RGS7: variants seen among roughly 807,000 people sequenced by gnomAD.
RGS7 encodes regulator of G protein signaling 7, also known as regulator of G-protein signaling 7.
A neutral mutation model predicts 81.1 loss-of-function variants in RGS7; 27 were observed. That is an observed-to-expected ratio of 0.33 (90% CI 0.25 to 0.46). RGS7 has a LOEUF of 0.46. RGS7 is among the 20% of genes least tolerant of loss of function. RGS7 has a pLI of 1.00. For missense variants in RGS7, 396 were observed against 607.4 expected (o/e 0.65, Z 3.66); for synonymous variants, 208 against 207.7 (o/e 1.00, Z -0.01).
intron 2 of RGS7, among the ~76,000 whole-genome samples, chr1:241,332,622 C>A (rs113976709): frequency 3.3e-5 from 5 of 152,218 alleles, no homozygotes; most frequent in Middle Eastern, 3.4e-3. Context: ...TCTAACACAA[C>A]GAAACATTTC....
chr1:240,838,738 T>C (rs1160938199), intron 9 of RGS7, among the ~76,000 whole-genome samples: 1 of 152,084 alleles, frequency 6.6e-6, no homozygotes, highest in African/African-American at 2.4e-5. Context: ...TTTGAGGTCG[T>C]GATTATTTGA....
rs189483415 is a variant in RGS7 at position 240,910,803 on chromosome 1, C to T, written c.385+19914G>A. Among the ~76,000 whole-genome samples, 95 of 152,114 alleles carry T rather than the reference C, an allele frequency of 6.2e-4. No individual in the cohort carries two copies. The East Asian group carries it at 0.016, about 25-fold the overall frequency. On this transcript the variant is annotated intron_variant, in intron 6 of 18. Coordinates refer to ENST00000440928, the MANE Select transcript of RGS7 (RefSeq NM_001364886.1). ...TGTCATCTCAGCTCACTGCAACCTC[C>T]GCCTCCCAGGTTCAAGGGGATTCTC...
intron 2 of RGS7, among the ~76,000 whole-genome samples, chr1:241,280,699 C>T (rs938840891): frequency 2.6e-5 from 4 of 152,164 alleles, no homozygotes; most frequent in East Asian, 1.9e-4. Flanking sequence ...CAGGATTTCA[C>T]TGTGTTGCCC....
intron 2 of RGS7, among the ~76,000 whole-genome samples, chr1:241,307,798 A>C (rs984158613): frequency 6.6e-5 from 10 of 151,550 alleles, no homozygotes; most frequent in African/African-American, 2.0e-4. Flanking sequence ...GAATGACTGA[A>C]TGAATGAATG....
chr1:240,905,449 T>C (rs549630346), intron 6 of RGS7, among the ~76,000 whole-genome samples: 20 of 152,316 alleles, frequency 1.3e-4, no homozygotes, highest in African/African-American at 4.6e-4. Context: ...TAACCATGTA[T>C]GATTGGGAAT....
chr1:240,955,232 T>C (rs767409932), intron 4 of RGS7, among the ~76,000 whole-genome samples: 13 of 151,920 alleles, frequency 8.6e-5, no homozygotes, highest in Non-Finnish European at 1.2e-4. Context: ...ACTGAAAAAA[T>C]GACTGTGGAG....
At chr1:240,814,377 A>G (rs975539821) in intron 12 of RGS7, among the ~76,000 whole-genome samples, 1 of 152,224 alleles carries the variant, frequency 6.6e-6, no homozygotes, top group African/African-American at 2.4e-5. Context: ...GAGAGGCTCC[A>G]GTTTGCCCAA....
chr1:241,050,814 T>A (rs1003455523), intron 3 of RGS7, among the ~76,000 whole-genome samples: 1 of 152,222 alleles, frequency 6.6e-6, no homozygotes, highest in African/African-American at 2.4e-5. Flanking sequence ...TTAATTTTAT[T>A]TTTTCTAGTT....
chr1:241,355,882 C>T lies in RGS7; in HGVS notation c.-50-56G>A. The stretch of plus-strand genomic sequence containing the variant: ...TCCCAGTGGGACTCCCCTGATTCAT[C>T]ATCATCATTCACAGCACCCACCCCA... On this transcript the variant is annotated intron_variant, in intron 1 of 18. Transcript: ENST00000440928. The T allele has an allele frequency of 4.4e-6, 4 of 915,290 alleles. No individual in the cohort carries two copies. The South Asian group carries it at 5.3e-5, about 12-fold the overall frequency. 56.7% of individuals were successfully genotyped at this position (915,290 alleles called of 1,614,324 possible).
intron 4 of RGS7, among the ~76,000 whole-genome samples, chr1:240,951,115 TCAC>T (rs1679487628): frequency 6.6e-6 from 1 of 152,148 alleles, no homozygotes; most frequent in Admixed American, 6.6e-5. Context: ...AGATGGGGTC[TCAC>T]CACATTGCCC....
chr1:241,017,233 G>A (rs745959528), intron 3 of RGS7, among the ~76,000 whole-genome samples: 22 of 152,062 alleles, frequency 1.4e-4, no homozygotes, highest in Non-Finnish European at 2.1e-4. Flanking sequence ...CTTGAGGTTA[G>A]GAGTCTGAGA....
intron 2 of RGS7, among the ~76,000 whole-genome samples, chr1:241,211,485 G>C (rs1467575322): frequency 6.6e-6 from 1 of 152,176 alleles, no homozygotes; most frequent in Non-Finnish European, 1.5e-5. Flanking sequence ...GCAACACGAG[G>C]TGGTGGGACA....
chr1:241,004,100 C>G (rs2058562924), intron 3 of RGS7, among the ~76,000 whole-genome samples: 2 of 152,180 alleles, frequency 1.3e-5, no homozygotes, highest in Non-Finnish European at 2.9e-5. Context: ...CATTTCTACC[C>G]AGAAGGACTT....
At chr1:240,944,968 T>A (rs1470484241) in intron 4 of RGS7, among the ~76,000 whole-genome samples, 1 of 152,136 alleles carries the variant, frequency 6.6e-6, no homozygotes, top group African/African-American at 2.4e-5. Context: ...GCCTCGGCCT[T>A]CCCAAGCATT....
intron 2 of RGS7, among the ~76,000 whole-genome samples, chr1:241,306,193 TAC>T (rs879709587): frequency 8.7e-5 from 12 of 137,238 alleles, no homozygotes; most frequent in South Asian, 5.0e-4. Context: ...CATGCACAAA[TAC>T]ACACACAGGT....
Position 241,131,396 on chromosome 1 carries a change from C to G in RGS7, c.79-32634G>C, listed in dbSNP as rs138580885. ...CAACAGGACCAGTAAAAACAGACAG[C>G]TGGACCCAACTTCCAGAGTTGCCAA... On this transcript the variant is annotated intron_variant, in intron 2 of 18. Transcript: ENST00000440928. Among the ~76,000 whole-genome samples the G allele has an allele frequency of 2.6e-4, 39 of 152,278 alleles. No homozygotes were observed. The East Asian group carries it at 7.1e-3, about 28-fold the overall frequency.
At chr1:240,944,853 ACAGGCATGCGCCAC>A (rs1206564566) in intron 4 of RGS7, among the ~76,000 whole-genome samples, 12 of 152,366 alleles carry the variant, frequency 7.9e-5, no homozygotes, top group Admixed American at 7.2e-4. Flanking sequence ...AGCTGGGACT[ACAGGCATGCGCCAC>A]CACGCCCGGC....
chr1:241,252,039 CTTTCTT>C (rs2076855270), intron 2 of RGS7, among the ~76,000 whole-genome samples: 1 of 150,676 alleles, frequency 6.6e-6, no homozygotes, highest in South Asian at 2.1e-4. Flanking sequence ...CTTTTTCTTT[CTTTCTT>C]TTTCTTTTTT....
intron 2 of RGS7, among the ~76,000 whole-genome samples, chr1:241,318,573 C>T (rs1373515957): frequency 6.6e-6 from 1 of 152,114 alleles, no homozygotes; most frequent in East Asian, 1.9e-4. Flanking sequence ...TCTCCCGCCT[C>T]AGCCTCCCGA....
Sources: allele counts gnomAD v4.1 joint callset (sites outside exome capture counted in the v4.1 genomes callset), GRCh38; gene constraint gnomAD v4.1.1; transcripts MANE v1.5; gene names NCBI Gene and HGNC (gene_info 2026-07-23, HGNC 2026-07-21).